The following DDX1 variants were observed in gnomAD, a reference collection of about 807,000 sequenced individuals.
The protein encoded by DDX1 is DEAD-box helicase 1.
In DDX1, 28 loss-of-function variants were observed where a neutral mutation model predicts 108.7. That is an observed-to-expected ratio of 0.26 (90% CI 0.19 to 0.35). The LOEUF is 0.35. Among genes scored for constraint, DDX1 ranks in the 10% least tolerant of loss-of-function variants. The pLI, the probability that DDX1 is intolerant of heterozygous loss-of-function variation, is 1.00. For missense variants in DDX1, 710 were observed against 884.5 expected (o/e 0.80, Z 2.50); for synonymous variants, 295 against 288.9 (o/e 1.02, Z -0.21).
intron 6 of DDX1, among the ~76,000 whole-genome samples, chr2:15,600,203 T>C (rs905746382): frequency 6.6e-6 from 1 of 152,224 alleles, no homozygotes; most frequent in Non-Finnish European, 1.5e-5. Flanking sequence ...GTCCTCCTTC[T>C]TGGGGTTAAC....
At chr2:15,596,646 G>A in intron 3 of DDX1, 88 bp from the exon 4 acceptor site, 2 of 1,170,146 alleles carry the variant, frequency 1.7e-6, no homozygotes, top group African/African-American at 1.5e-5. Flanking sequence ...CCAGTCAAAT[G>A]TTAAAGATTT....
chr2:15,601,817 G>A (rs1361619973), intron 6 of DDX1, among the ~76,000 whole-genome samples: 1 of 152,196 alleles, frequency 6.6e-6, no homozygotes, highest in Non-Finnish European at 1.5e-5. Context: ...CAGAATACGA[G>A]TTGGAAAGAT....
intron 18 of DDX1, among the ~76,000 whole-genome samples, chr2:15,622,545 C>G (rs1172035862): frequency 6.6e-6 from 1 of 152,172 alleles, no homozygotes; most frequent in Admixed American, 6.5e-5. Context: ...GGGTCGGACT[C>G]TGCTTGCTTC....
At chr2:15,620,831 T>A (rs1665992563) in intron 17 of DDX1, among the ~76,000 whole-genome samples, 1 of 152,128 alleles carries the variant, frequency 6.6e-6, no homozygotes, top group African/African-American at 2.4e-5. Flanking sequence ...TACAATATTT[T>A]AGAAACCACA....
intron 13 of DDX1, 74 bp downstream of exon 13, chr2:15,607,387 GA>G: frequency 7.3e-7 from 1 of 1,373,188 alleles, no homozygotes; most frequent in Non-Finnish European, 1.0e-6. Context: ...ATAAGGTAGA[GA>G]AAAATGAAGT....
chr2:15,603,306 G>A, intron 8 of DDX1, 31 bp downstream of exon 8: 2 of 1,386,148 alleles, frequency 1.4e-6, no homozygotes, highest in Non-Finnish European at 1.0e-6. Context: ...TGAATTGATT[G>A]ATTTACATTT....
At chr2:15,630,203 T>C (rs1362949300) in intron 25 of DDX1, 93 bp downstream of exon 25, 2 of 1,284,154 alleles carry the variant, frequency 1.6e-6, no homozygotes, top group Non-Finnish European at 2.2e-6. Flanking sequence ...TTTCATTAGG[T>C]TAAGAGTATA....
intron 14 of DDX1, among the ~76,000 whole-genome samples, chr2:15,616,574 C>T (rs752654796): frequency 1.3e-5 from 2 of 152,178 alleles, no homozygotes; most frequent in Non-Finnish European, 2.9e-5. Context: ...TTCTAAACTT[C>T]CGTTTTCTCA....
In DDX1 at chr2:15,595,180, G is replaced by C. The variant is rs1246889545; in HGVS notation, c.52G>C (p.Glu18Gln). 2 of 1,611,862 alleles carry C rather than the reference G, an allele frequency of 1.2e-6. No homozygotes were observed. Among genetic ancestry groups the C allele is most frequent in the Non-Finnish European group, 1.7e-6 (2 of 1,178,856 alleles). The change falls in exon 2 of 26, where the codon GAA becomes CAA. Residue 18 changes from glutamate to glutamine, a missense_variant. This residue lies in a region of DDX1 where 48 missense variants were observed against 57.5 expected (regional missense o/e 0.83). Coordinates refer to ENST00000233084, the MANE Select transcript of DDX1 (RefSeq NM_004939.3). Reference protein sequence around the residue: ...GVMPEIAQAVEEMDWLLPTDI... With the variant: ...GVMPEIAQAVQEMDWLLPTDI... ...AATGCCTGAGATTGCACAAGCTGTG[G>C]AAGAGATGGATTGGCTGTAAGTACA...
At chr2:15,626,897 G>A (rs1379359595) in intron 19 of DDX1, among the ~76,000 whole-genome samples, 157 bp from the exon 20 acceptor site, 2 of 152,126 alleles carry the variant, frequency 1.3e-5, no homozygotes, top group Non-Finnish European at 2.9e-5. Flanking sequence ...TACTTCGTTT[G>A]TGACATAAAT....
At chr2:15,595,016 G>T in intron 1 of DDX1, 129 bp from the exon 2 acceptor site, 3 of 647,342 alleles carry the variant, frequency 4.6e-6, no homozygotes. Context: ...ACAGTGCCAC[G>T]CTCAGTAGAT....
Position 15,629,610 on chromosome 2 carries a change from C to A in DDX1, c.1884C>A (p.Tyr628Ter). Residue 628 changes from tyrosine to a stop codon, truncating the protein, a stop_gained, in exon 24 of 26, where the codon TAC becomes TAA. Transcript: ENST00000233084. LOFTEE classifies it high-confidence loss of function. ...TTCCTTTTTAAATTTAGGTTTGGTA[C>A]CATGTATGTAGCAGCCGTGGAAAAG... ...LVATEKEKVW[Y>*]HVCSSRGKGC... is the part of the protein sequence containing the mutation. The A allele has an allele frequency of 6.3e-7, 1 of 1,592,424 alleles. No homozygotes were observed. The highest frequency in any genetic ancestry group is 2.3e-5 in the East Asian group (1 of 43,574).
At chr2:15,597,761 C>T (rs991894046) in intron 5 of DDX1, among the ~76,000 whole-genome samples, 1 of 151,978 alleles carries the variant, frequency 6.6e-6, no homozygotes, top group Non-Finnish European at 1.5e-5. Context: ...ACTTTCTATG[C>T]TTAATGCTAA....
At chr2:15,610,444 G>A (rs1665732584) in intron 13 of DDX1, among the ~76,000 whole-genome samples, 1 of 152,136 alleles carries the variant, frequency 6.6e-6, no homozygotes, top group East Asian at 1.9e-4. Flanking sequence ...TCTGTGTATG[G>A]CATGAGAAAG....
Position 15,612,210 on chromosome 2 carries a change from C to T in DDX1, c.957-1014C>T, listed in dbSNP as rs546184807. On this transcript the variant is annotated intron_variant, in intron 13 of 25. Transcript: ENST00000233084. The stretch of plus-strand genomic sequence containing the variant: ...GGGTGACCCCCACCTCCTTCCTGGA[C>T]GGGGTGGCTGCCGGGCGGTGACGCT... Among the ~76,000 whole-genome samples the T allele has an allele frequency of 8.9e-3, 1,341 of 151,250 alleles. 29 individuals carry two copies. The highest frequency in any genetic ancestry group is 0.056 in the Admixed American group (851 of 15,224).
chr2:15,603,102 G>A, intron 7 of DDX1, 90 bp from the exon 8 acceptor site: 1 of 842,496 alleles, frequency 1.2e-6, no homozygotes, highest in Admixed American at 2.3e-5. Flanking sequence ...GTACATACCT[G>A]TGTAATTCAG....
At chr2:15,593,844 AGGTGGGCAGATCACGAGGTCAGG>A in intron 1 of DDX1, among the ~76,000 whole-genome samples, 1 of 152,184 alleles carries the variant, frequency 6.6e-6, no homozygotes, top group East Asian at 1.9e-4. Flanking sequence ...TGGGAGTCCA[AGGTGGGCAGATCACGAGGTCAGG>A]AGATTGAGAC....
At chr2:15,620,110 G>T (rs1665972819) in intron 16 of DDX1, 98 bp from the exon 17 acceptor site, 1 of 1,124,766 alleles carries the variant, frequency 8.9e-7, no homozygotes, top group African/African-American at 1.6e-5. Flanking sequence ...TATCTTTGGA[G>T]TCTAGGCTAG....
At chr2:15,629,926 G>A in intron 24 of DDX1, 64 bp from the exon 25 acceptor site, 1 of 1,449,166 alleles carries the variant, frequency 6.9e-7, no homozygotes. Flanking sequence ...TTTATTTAAT[G>A]ATGATAAAAT....
Sources: gnomAD v4.1 joint callset for allele counts (sites outside exome capture counted in the v4.1 genomes callset) on GRCh38, gnomAD v4.1.1 for gene constraint, gnomAD v4.1.1 regional missense constraint, MANE v1.5 for transcripts, NCBI Gene and HGNC (gene_info 2026-07-23, HGNC 2026-07-21) for gene names.